The following SLC38A12 variants were observed in gnomAD, a reference collection of about 807,000 sequenced individuals.
SLC38A12 encodes the protein solute carrier family 38 member 12, also known as putative sodium-coupled neutral amino acid transporter 12.
the SLC38A12 span, among the ~76,000 whole-genome samples, chr17:74,830,636 C>G: frequency 2.7e-4 from 41 of 152,348 alleles, no homozygotes; most frequent in Non-Finnish European, 5.0e-4. Flanking sequence ...TCCAGATGCC[C>G]GTACACTGGA....
the SLC38A12 span, among the ~76,000 whole-genome samples, chr17:74,800,594 G>A: frequency 2.4e-4 from 36 of 152,388 alleles, no homozygotes; most frequent in African/African-American, 7.9e-4. Flanking sequence ...TTCAGGACCA[G>A]TGAGGAAGGA....
chr17:74,798,789 G>C, the SLC38A12 span, among the ~76,000 whole-genome samples: 1 of 147,598 alleles, frequency 6.8e-6, no homozygotes, highest in African/African-American at 2.5e-5. Context: ...ATGGGAATGT[G>C]TGAGATGCTC....
chr17:74,825,864 A>G, the SLC38A12 span, among the ~76,000 whole-genome samples: 2 of 152,198 alleles, frequency 1.3e-5, no homozygotes, highest in Admixed American at 6.5e-5. Context: ...ATACATCTGC[A>G]GGGCTGCCAC....
At chr17:74,821,899 G>A in the SLC38A12 span, among the ~76,000 whole-genome samples, 3 of 152,184 alleles carry the variant, frequency 2.0e-5, no homozygotes, top group African/African-American at 7.2e-5. Flanking sequence ...GGAGAAAGCT[G>A]AGCTGATTCC....
chr17:74,777,551 G>A, the SLC38A12 span: 9 of 1,535,524 alleles, frequency 5.9e-6, no homozygotes, highest in Non-Finnish European at 7.9e-6. Context: ...GGCTCAGAAT[G>A]TAAGTCAGAT....
the SLC38A12 span, among the ~76,000 whole-genome samples, chr17:74,780,752 C>T: frequency 6.6e-6 from 1 of 152,212 alleles, no homozygotes; most frequent in Admixed American, 6.5e-5. Flanking sequence ...TCCTACGTTA[C>T]CCTGCAGGAT....
At chr17:74,794,179 G>C in the SLC38A12 span, among the ~76,000 whole-genome samples, 1 of 152,100 alleles carries the variant, frequency 6.6e-6, no homozygotes, top group East Asian at 1.9e-4. Flanking sequence ...TATGGAAGAT[G>C]GCCCAGGTGG....
the SLC38A12 span, chr17:74,777,806 C>T: frequency 1.1e-5 from 4 of 377,666 alleles, no homozygotes; most frequent in South Asian, 8.0e-5. Flanking sequence ...CCCAGCTACT[C>T]GGGAGGCTGA....
chr17:74,801,146 C>T, the SLC38A12 span, among the ~76,000 whole-genome samples: 1 of 152,222 alleles, frequency 6.6e-6, no homozygotes, highest in African/African-American at 2.4e-5. Flanking sequence ...ACTGGGGTGA[C>T]CCGGGAAGCC....
At chr17:74,813,542 T>A in the SLC38A12 span, among the ~76,000 whole-genome samples, 1 of 152,156 alleles carries the variant, frequency 6.6e-6, no homozygotes, top group Non-Finnish European at 1.5e-5. Context: ...CAGGCTGGAA[T>A]GCAATGGCGC....
At chr17:74,804,618 G>A in the SLC38A12 span, among the ~76,000 whole-genome samples, 1 of 152,368 alleles carries the variant, frequency 6.6e-6, no homozygotes, top group East Asian at 1.9e-4. Context: ...CACTGGGGGT[G>A]TGGCAGCAGA....
the SLC38A12 span, among the ~76,000 whole-genome samples, chr17:74,818,971 A>G: frequency 6.6e-6 from 1 of 152,190 alleles, no homozygotes; most frequent in African/African-American, 2.4e-5. Flanking sequence ...GTTTTCTGAG[A>G]CAGAGTTTGA....
At chr17:74,780,928 A>G in the SLC38A12 span, among the ~76,000 whole-genome samples, 53 of 152,334 alleles carry the variant, frequency 3.5e-4, no homozygotes, top group African/African-American at 1.3e-3. Flanking sequence ...TTTTGGGAGC[A>G]TGCTTATTTC....
the SLC38A12 span, chr17:74,788,811 A>T: frequency 1.2e-6 from 2 of 1,613,420 alleles, no homozygotes; most frequent in Middle Eastern, 1.6e-4. Context: ...CACCTTTGTG[A>T]TAGAGGCCAT....
the SLC38A12 span, among the ~76,000 whole-genome samples, chr17:74,791,646 C>G: frequency 6.6e-6 from 1 of 152,236 alleles, no homozygotes; most frequent in Non-Finnish European, 1.5e-5. Flanking sequence ...CGTGGCTTCC[C>G]AGTGGCCGGC....
At chr17:74,822,632 T>C in the SLC38A12 span, among the ~76,000 whole-genome samples, 1 of 152,226 alleles carries the variant, frequency 6.6e-6, no homozygotes, top group Admixed American at 6.5e-5. Flanking sequence ...AGGCAGTGAT[T>C]TTTTCTCCAT....
chr17:74,825,793 T>G, the SLC38A12 span, among the ~76,000 whole-genome samples: 5 of 152,346 alleles, frequency 3.3e-5, no homozygotes, highest in East Asian at 1.9e-4. Context: ...ATGGCCTCTG[T>G]GCAGAACTGG....
chr17:74,813,810 C>T, the SLC38A12 span, among the ~76,000 whole-genome samples: 1 of 152,174 alleles, frequency 6.6e-6, no homozygotes. Context: ...CTCCTGTCTC[C>T]CCTTTCTACC....
At chr17:74,797,071 G>A in the SLC38A12 span, among the ~76,000 whole-genome samples, 1 of 152,174 alleles carries the variant, frequency 6.6e-6, no homozygotes, top group Non-Finnish European at 1.5e-5. Context: ...GGTCTTTGCT[G>A]GGGAGGCTGC....
Sources: gnomAD v4.1 joint callset for allele counts (sites outside exome capture counted in the v4.1 genomes callset) on GRCh38, gnomAD v4.1.1 for gene constraint, MANE v1.5 for transcripts, NCBI Gene and HGNC (gene_info 2026-07-23, HGNC 2026-07-21) for gene names.